DCTPP1: variants seen among roughly 807,000 people sequenced by gnomAD.
DCTPP1 encodes the protein XTP3-transactivated gene A protein.
DCTPP1 carries 8 observed loss-of-function variants against 8.8 expected under a neutral mutation model. The ratio of observed to expected loss-of-function variants is 0.91; its 90% CI spans 0.54 to 1.64. The LOEUF is 1.64. Among genes scored for constraint, DCTPP1 ranks in the 40% most tolerant of loss-of-function variants. The pLI, the probability that DCTPP1 is intolerant of heterozygous loss-of-function variation, is 0.00. For synonymous variants in DCTPP1, 85 were observed against 92.1 expected (o/e 0.92, Z 0.44); for missense variants, 231 against 230.4 (o/e 1.00, Z -0.02).
intron 2 of DCTPP1, among the ~76,000 whole-genome samples, chr16:30,425,678 G>A (rs758407787): frequency 5.3e-5 from 8 of 151,966 alleles, no homozygotes; most frequent in Non-Finnish European, 1.0e-4. Flanking sequence ...GCATAGTGGC[G>A]CATGCCTGTA....
chr16:30,428,971 A>G, intron 2 of DCTPP1, 86 bp downstream of exon 2: 1 of 1,361,734 alleles, frequency 7.3e-7, no homozygotes. Flanking sequence ...GGGAAACTGA[A>G]CCCATGAATG....
intron 1 of DCTPP1, 122 bp from the exon 2 acceptor site, chr16:30,429,289 C>A: frequency 1.1e-6 from 1 of 919,338 alleles, no homozygotes; most frequent in South Asian, 1.7e-5. Flanking sequence ...GCAACTAATT[C>A]ATTGGATGGT....
chr16:30,429,268 C>A, intron 1 of DCTPP1, 101 bp from the exon 2 acceptor site: 2 of 1,156,736 alleles, frequency 1.7e-6, no homozygotes, highest in East Asian at 2.5e-5. Flanking sequence ...GGCCTGGGAC[C>A]AGGAGATTCT....
intron 1 of DCTPP1, 172 bp from the exon 2 acceptor site, chr16:30,429,339 T>A: frequency 1.7e-6 from 1 of 602,508 alleles, no homozygotes; most frequent in Non-Finnish European, 2.7e-6. Context: ...CTTGGTTCCC[T>A]CATCTATAAA....
intron 2 of DCTPP1, 42 bp downstream of exon 2, chr16:30,429,015 C>A (rs750311765): frequency 1.3e-5 from 20 of 1,562,112 alleles, no homozygotes; most frequent in Non-Finnish European, 1.7e-5. Flanking sequence ...CCTCCCCTCC[C>A]CCACAACTCA....
At chr16:30,426,209 T>C (rs939904428) in intron 2 of DCTPP1, among the ~76,000 whole-genome samples, 3 of 152,212 alleles carry the variant, frequency 2.0e-5, no homozygotes, top group African/African-American at 7.2e-5. Context: ...AGAGTCTTGC[T>C]CTGTCGCCCA....
rs1247513963 is a variant in DCTPP1, at chr16:30,424,303, G to C, written c.443C>G (p.Ala148Gly). ...SRKYTELPHG[A>G]ISEDQAVGPA... ...CCCCACAGCCTGGTCTTCAGAGATG[G>C]CCCCATGGGGCAATTCTGTATACTT... Residue 148 changes from alanine (A) to glycine (G), a missense_variant, in exon 3 of 3, where the codon GCC (alanine) becomes GGC (glycine). Ala to Gly is a moderately conservative substitution (Grantham distance 60). Coordinates refer to ENST00000319285, the MANE Select transcript of DCTPP1 (RefSeq NM_024096.2). 2 of 1,614,232 alleles carry C rather than the reference G, an allele frequency of 1.2e-6. No homozygotes were observed. Among genetic ancestry groups the C allele is most frequent in the South Asian group, 2.2e-5 (2 of 91,084 alleles).
intron 1 of DCTPP1, 51 bp downstream of exon 1, chr16:30,429,829 G>A (rs570773277): frequency 1.3e-5 from 20 of 1,547,636 alleles, no homozygotes; most frequent in Middle Eastern, 1.8e-4. Context: ...TCCCCAAAAC[G>A]CGGGAGAAAG....
intron 2 of DCTPP1, among the ~76,000 whole-genome samples, chr16:30,427,008 G>A (rs1286691027): frequency 2.3e-5 from 3 of 130,776 alleles, no homozygotes; most frequent in Non-Finnish European, 3.3e-5. Flanking sequence ...GACCTTTTTC[G>A]TTGGGTTTTT....
intron 1 of DCTPP1, chr16:30,429,400 C>T (rs2050211940): frequency 2.2e-6 from 1 of 462,946 alleles, no homozygotes; most frequent in Non-Finnish European, 3.8e-6. Flanking sequence ...CTAACAAAAC[C>T]CTCTTCATTA....
At position 30,424,265 on chromosome 16, in the gene DCTPP1, G is replaced by A. The variant is rs2050179401; in HGVS notation, c.481C>T (p.Pro161Ser). Residue 161 changes from proline to serine, a missense_variant, in exon 3 of 3, where the codon CCC becomes TCC. Physicochemically the swap from Pro to Ser is moderately conservative, Grantham distance 74. Coordinates refer to ENST00000319285, the MANE Select transcript of DCTPP1 (RefSeq NM_024096.2). ...GAGGTCTGGCCTGTGGAGTCACAGG[G>A]AATGTCCGCAGGCCCCACAGCCTGG... Reference protein sequence around the residue: ...EDQAVGPADIPCDSTGQTST With the variant: ...EDQAVGPADISCDSTGQTST 1 of 1,614,208 alleles carries A rather than the reference G, an allele frequency of 6.2e-7. No individual in the cohort carries two copies. Among genetic ancestry groups the A allele is most frequent in the South Asian group, 1.1e-5 (1 of 91,080 alleles).
At chr16:30,428,761 C>T (rs1822413436) in intron 2 of DCTPP1, 1 of 417,442 alleles carries the variant, frequency 2.4e-6, no homozygotes, top group Non-Finnish European at 4.2e-6. Flanking sequence ...AGCGAGACCC[C>T]GTCTCAAAAA....
In DCTPP1 at chr16:30,424,272, C is replaced by A. The variant is rs751601499; in HGVS notation, c.474G>T (p.Ala158=). The A allele has an allele frequency of 6.2e-7, 1 of 1,614,044 alleles. No individual in the cohort carries two copies. The highest frequency in any genetic ancestry group is 1.3e-5 in the African/African-American group (1 of 74,920). Residue 158 remains alanine, a synonymous_variant, in exon 3 of 3, where the codon GCG becomes GCT. Transcript: ENST00000319285. ...AISEDQAVGP[A]DIPCDSTGQT... The stretch of plus-strand genomic sequence containing the variant: ...GGCCTGTGGAGTCACAGGGAATGTC[C>A]GCAGGCCCCACAGCCTGGTCTTCAG...
intron 2 of DCTPP1, 126 bp from the exon 3 acceptor site, chr16:30,424,659 A>C: frequency 8.1e-7 from 1 of 1,241,916 alleles, no homozygotes; most frequent in Non-Finnish European, 1.1e-6. Context: ...GGGAAGAGTC[A>C]GGTGGGGAAG....
intron 1 of DCTPP1, chr16:30,429,521 T>C: frequency 2.5e-6 from 1 of 404,228 alleles, no homozygotes; most frequent in South Asian, 5.2e-5. Context: ...CTAAGAAGCC[T>C]TTCTTGACCT....
Position 30,424,468 on chromosome 16 carries a change from T to C in DCTPP1, c.278A>G (p.Gln93Arg), listed in dbSNP as rs371070247. ...GATGAGGACGTCACTAAGCTCCTCT[T>C]GAAGGGCTGCCCGTTCCCTGGGGGA... is the stretch of plus-strand genomic sequence containing the variant. ...GWSPRERAALQEELSDVLIYL... is the reference protein window; with the variant it reads ...GWSPRERAALREELSDVLIYL... Residue 93 changes from glutamine to arginine, a missense_variant, in exon 3 of 3, where the codon CAA (glutamine) becomes CGA (arginine). Coordinates refer to ENST00000319285, the MANE Select transcript of DCTPP1 (RefSeq NM_024096.2). 2 of 1,614,076 alleles carry C rather than the reference T, an allele frequency of 1.2e-6. No individual in the cohort carries two copies. Among genetic ancestry groups the C allele is most frequent in the Non-Finnish European group, 1.7e-6 (2 of 1,180,044 alleles).
At chr16:30,429,271 G>A (rs1303030313) in intron 1 of DCTPP1, 104 bp from the exon 2 acceptor site, 4 of 1,114,062 alleles carry the variant, frequency 3.6e-6, no homozygotes, top group Non-Finnish European at 5.2e-6. Flanking sequence ...CTGGGACCAG[G>A]AGATTCTGCA....
At chr16:30,429,502 A>G in intron 1 of DCTPP1, 1 of 415,112 alleles carries the variant, frequency 2.4e-6, no homozygotes, top group Non-Finnish European at 4.3e-6. Context: ...AGTTCCACAG[A>G]CCCTTCCTCT....
rs754320814 is a variant in DCTPP1 at position 30,429,976 on chromosome 16, G to A, written c.5C>T (p.Ser2Phe). The A allele has an allele frequency of 5.1e-6, 8 of 1,557,026 alleles. No homozygotes were observed. The highest frequency in any genetic ancestry group is 6.9e-6 in the Non-Finnish European group (8 of 1,152,494). Residue 2 changes from serine (S) to phenylalanine (F), a missense_variant, in exon 1 of 3, where the codon TCT becomes TTT. Ser to Phe is a radical substitution (Grantham distance 155). Transcript: ENST00000319285. M[S>F]VAGGEIRGDT... is the part of the protein sequence containing the mutation. ...CCCACGAATCTCCCCACCGGCCACA[G>A]ACATGCCGCCCACCGCTGCACCGCG...
Sources: allele counts gnomAD v4.1 joint callset (sites outside exome capture counted in the v4.1 genomes callset), GRCh38; gene constraint gnomAD v4.1.1; transcripts MANE v1.5; gene names NCBI Gene and HGNC (gene_info 2026-07-23, HGNC 2026-07-21).